Variants in SLCO6A1 observed in about 807,000 individuals in gnomAD.
The protein encoded by SLCO6A1 is cancer/testis antigen 48.
Under a neutral mutation model 72.7 loss-of-function variants are expected in SLCO6A1, and 65 were observed. That is an observed-to-expected ratio of 0.89 (90% CI 0.73 to 1.10). The LOEUF (loss-of-function observed/expected upper bound fraction) is 1.10. Ranked by LOEUF, SLCO6A1 falls within the 50% of genes least tolerant of loss-of-function variation. The probability of loss-of-function intolerance (pLI) is 0.00; values close to 1 mark genes in which losing one functional copy is unlikely to be tolerated. For synonymous variants in SLCO6A1, 314 were observed against 298.2 expected (o/e 1.05, Z -0.55); for missense variants, 874 against 872.6 (o/e 1.00, Z -0.02).
intron 1 of SLCO6A1, among the ~76,000 whole-genome samples, chr5:102,485,642 G>A (rs1340846415): frequency 1.3e-5 from 2 of 152,220 alleles, no homozygotes; most frequent in Non-Finnish European, 2.9e-5. Flanking sequence ...AAATAAGCAT[G>A]TCCATGTGAT....
rs1368755959 is a variant in SLCO6A1 at position 102,390,250 on chromosome 5, T to G, written c.1879+731A>C. ...CTGTGTACTGACTGACTGTTTCCTA[T>G]GCTACCTCTTCCATTACAAATCTCT... On this transcript the variant is annotated intron_variant, in intron 11 of 13. Coordinates refer to ENST00000506729, the MANE Select transcript of SLCO6A1 (RefSeq NM_173488.5). Among the ~76,000 whole-genome samples the G allele has an allele frequency of 3.3e-5, 5 of 152,186 alleles. 1 individual carries two copies. Among genetic ancestry groups the G allele is most frequent in the East Asian group, 3.8e-4 (2 of 5,198 alleles).
At chr5:102,399,438 C>T (rs1158687530) in intron 10 of SLCO6A1, 117 bp downstream of exon 10, 1 of 643,226 alleles carries the variant, frequency 1.6e-6, no homozygotes, top group African/African-American at 1.9e-5. Flanking sequence ...AACTTTTCCT[C>T]TGCATTTGCT....
chr5:102,450,898 T>C (rs945918576), intron 6 of SLCO6A1, among the ~76,000 whole-genome samples: 3 of 152,202 alleles, frequency 2.0e-5, no homozygotes, highest in Non-Finnish European at 2.9e-5. Flanking sequence ...TCAGACCCTT[T>C]ATCTCTTTGC....
chr5:102,393,065 T>C (rs926829695), intron 10 of SLCO6A1, among the ~76,000 whole-genome samples: 1 of 152,084 alleles, frequency 6.6e-6, no homozygotes, highest in South Asian at 2.1e-4. Context: ...CATTAAAAAA[T>C]TTTTTTCATA....
In SLCO6A1 at chr5:102,399,924, T is replaced by C. The variant is rs530860317; in HGVS notation, c.1627-182A>G. ...TGAAACATTAATGATAAATCCAAGG[T>C]ATTTTACATGGCAAAAAATCTGTGT... On this transcript the variant is annotated intron_variant, in intron 9 of 13. Coordinates refer to ENST00000506729, the MANE Select transcript of SLCO6A1 (RefSeq NM_173488.5). Among the ~76,000 whole-genome samples the C allele has an allele frequency of 1.5e-4, 22 of 143,990 alleles. No individual in the cohort carries two copies. The South Asian group carries it at 3.4e-3, about 22-fold the overall frequency. The allele number at this position is 143,990 out of a possible 152,430, so 94.5% of individuals were successfully genotyped here. A position where few individuals can be genotyped will look rare whatever the true frequency, so the allele number is the denominator to read the frequency against.
chr5:102,482,025 C>T (rs1255072231), intron 1 of SLCO6A1, among the ~76,000 whole-genome samples: 2 of 152,120 alleles, frequency 1.3e-5, no homozygotes, highest in Non-Finnish European at 1.5e-5. Context: ...CTTTGCTGCA[C>T]CCAGGATAAG....
intron 1 of SLCO6A1, among the ~76,000 whole-genome samples, chr5:102,492,657 C>A (rs560778402): frequency 6.6e-6 from 1 of 152,110 alleles, no homozygotes; most frequent in Non-Finnish European, 1.5e-5. Flanking sequence ...CGGTGACAGA[C>A]GGCACCTGGA....
chr5:102,376,819 C>CGTTT (rs1434988107), intron 12 of SLCO6A1, among the ~76,000 whole-genome samples: 1 of 152,144 alleles, frequency 6.6e-6, no homozygotes, highest in Non-Finnish European at 1.5e-5. Flanking sequence ...ACCAATTCCA[C>CGTTT]TTTTGGGGAT....
chr5:102,379,962 A>G (rs192092409), intron 12 of SLCO6A1, among the ~76,000 whole-genome samples: 1 of 151,698 alleles, frequency 6.6e-6, no homozygotes, highest in Admixed American at 6.6e-5. Flanking sequence ...TAAATTTTTT[A>G]TTGCTATTTG....
intron 6 of SLCO6A1, among the ~76,000 whole-genome samples, chr5:102,454,299 C>G (rs1227719236): frequency 6.6e-6 from 1 of 152,138 alleles, no homozygotes; most frequent in Admixed American, 6.5e-5. Flanking sequence ...GATGCAGTCC[C>G]AAATTTAAAT....
intron 10 of SLCO6A1, among the ~76,000 whole-genome samples, chr5:102,398,357 T>C (rs1441145635): frequency 2.6e-5 from 4 of 152,112 alleles, no homozygotes; most frequent in Non-Finnish European, 5.9e-5. Context: ...TCTGTATTTT[T>C]AGTAGAGACA....
chr5:102,480,400 G>T lies in SLCO6A1; in HGVS notation c.393C>A (p.Gly131=). Reference sequence around the variant, plus strand: ...TCAGTTGATATTCCTTCTGAAAATCGCCAATGCTGACATCTATAAGACCAA... The same window carrying T: ...TCAGTTGATATTCCTTCTGAAAATCTCCAATGCTGACATCTATAAGACCAA... ...VVFGLIDVSI[G]DFQKEYQLKT... Residue 131 remains glycine, a synonymous_variant, in exon 2 of 14, where the codon GGC becomes GGA. Coordinates refer to ENST00000506729, the MANE Select transcript of SLCO6A1 (RefSeq NM_173488.5). 4 of 1,612,982 alleles carry T rather than the reference G, an allele frequency of 2.5e-6. No individual in the cohort carries two copies. Among genetic ancestry groups the T allele is most frequent in the Non-Finnish European group, 3.4e-6 (4 of 1,179,486 alleles).
chr5:102,409,857 G>C (rs773705756), intron 9 of SLCO6A1, among the ~76,000 whole-genome samples: 1 of 152,152 alleles, frequency 6.6e-6, no homozygotes, highest in Non-Finnish European at 1.5e-5. Flanking sequence ...AGGGGTTACA[G>C]CTATATCCTT....
intron 12 of SLCO6A1, among the ~76,000 whole-genome samples, chr5:102,385,741 C>T (rs1746379918): frequency 6.6e-6 from 1 of 150,652 alleles, no homozygotes; most frequent in Non-Finnish European, 1.5e-5. Context: ...TGTCTGTGTA[C>T]TCGTGTAGCT....
At chr5:102,392,153 T>C (rs1392982537) in intron 10 of SLCO6A1, among the ~76,000 whole-genome samples, 4 of 152,024 alleles carry the variant, frequency 2.6e-5, no homozygotes, top group Non-Finnish European at 5.9e-5. Context: ...ACACAGTATT[T>C]TGTAATATTT....
intron 9 of SLCO6A1, among the ~76,000 whole-genome samples, chr5:102,409,681 A>C (rs1747867460): frequency 6.6e-6 from 1 of 152,188 alleles, no homozygotes; most frequent in Non-Finnish European, 1.5e-5. Flanking sequence ...GTTTTCATTA[A>C]GTATCAAATG....
chr5:102,384,901 A>C (rs1198016643), intron 12 of SLCO6A1, among the ~76,000 whole-genome samples: 4 of 152,134 alleles, frequency 2.6e-5, no homozygotes, highest in African/African-American at 9.7e-5. Flanking sequence ...CTTTTTAAGC[A>C]AAAAAGCAGA....
intron 7 of SLCO6A1, among the ~76,000 whole-genome samples, chr5:102,426,313 A>G (rs1490233298): frequency 6.6e-6 from 1 of 152,228 alleles, no homozygotes; most frequent in Non-Finnish European, 1.5e-5. Flanking sequence ...AAAAGAAACT[A>G]TCATCAGAGT....
At position 102,498,751 on chromosome 5, in the gene SLCO6A1, C is replaced by G; in HGVS notation, c.94G>C (p.Asp32His). The change falls in exon 1 of 14, where the codon GAC becomes CAC. Residue 32 changes from aspartate to histidine, a missense_variant. Asp to His is a moderately conservative substitution (Grantham distance 81, BLOSUM62 -1). Coordinates refer to ENST00000506729, the MANE Select transcript of SLCO6A1 (RefSeq NM_173488.5). The part of the protein sequence containing the change: ...LEAARAQPAK[D>H]RRAKGTPKSS... The stretch of plus-strand genomic sequence containing the variant: ...TTCGGGGTTCCCTTGGCCCTCCTGT[C>G]CTTAGCAGGCTGGGCCCGCGCGGCC... 5 of 1,614,204 alleles carry G rather than the reference C, an allele frequency of 3.1e-6. No individual in the cohort carries two copies. Among genetic ancestry groups the G allele is most frequent in the Non-Finnish European group, 4.2e-6 (5 of 1,180,036 alleles).
Sources: gnomAD v4.1 joint callset for allele counts (sites outside exome capture counted in the v4.1 genomes callset) on GRCh38, gnomAD v4.1.1 for gene constraint, MANE v1.5 for transcripts, NCBI Gene and HGNC (gene_info 2026-07-23, HGNC 2026-07-21) for gene names.